PRKCI: variants seen among roughly 807,000 people sequenced by gnomAD.
PRKCI encodes protein kinase C iota, also known as protein kinase C iota type.
In PRKCI, 43 loss-of-function variants were observed where a neutral mutation model predicts 84.0. The ratio of observed to expected loss-of-function variants is 0.51; its 90% CI spans 0.40 to 0.66. PRKCI has a LOEUF of 0.66. Ranked by LOEUF, PRKCI falls within the 30% of genes least tolerant of loss-of-function variation. The pLI, the probability that PRKCI is intolerant of heterozygous loss-of-function variation, is 0.00. For synonymous variants in PRKCI, 216 were observed against 234.4 expected (o/e 0.92, Z 0.72); for missense variants, 459 against 745.6 (o/e 0.62, Z 4.48).
intron 2 of PRKCI, among the ~76,000 whole-genome samples, chr3:170,240,272 A>G (rs1211298822): frequency 6.6e-6 from 1 of 152,022 alleles, no homozygotes; most frequent in Non-Finnish European, 1.5e-5. Context: ...AAGCATTGAC[A>G]GTTACTGTTT....
At chr3:170,275,792 A>G (rs1734099802) in intron 8 of PRKCI, among the ~76,000 whole-genome samples, 2 of 152,100 alleles carry the variant, frequency 1.3e-5, no homozygotes, top group South Asian at 4.1e-4. Context: ...TTCCACTCCC[A>G]GTTTGGCTTC....
intron 2 of PRKCI, among the ~76,000 whole-genome samples, chr3:170,237,894 A>T (rs6787606): frequency 6.6e-6 from 1 of 152,034 alleles, no homozygotes; most frequent in Non-Finnish European, 1.5e-5. Flanking sequence ...CTTAGTATGT[A>T]TCCTTCTATA....
At chr3:170,290,576 T>C (rs1284215188) in intron 12 of PRKCI, among the ~76,000 whole-genome samples, 1 of 152,054 alleles carries the variant, frequency 6.6e-6, no homozygotes, top group Non-Finnish European at 1.5e-5. Flanking sequence ...TCCAAATCTT[T>C]CTCTGCCTAC....
At chr3:170,228,115 A>G (rs1560164489) in intron 1 of PRKCI, among the ~76,000 whole-genome samples, 2 of 152,174 alleles carry the variant, frequency 1.3e-5, no homozygotes, top group Admixed American at 6.6e-5. Context: ...TTTATGAGGC[A>G]TTCAGGAGGA....
chr3:170,278,689 A>C (rs1381783079), intron 8 of PRKCI, among the ~76,000 whole-genome samples: 2 of 152,216 alleles, frequency 1.3e-5, no homozygotes, highest in Admixed American at 1.3e-4. Context: ...GGAATAAAGG[A>C]ATACCTAAGG....
intron 8 of PRKCI, 106 bp downstream of exon 8, chr3:170,275,393 T>C: frequency 9.9e-7 from 1 of 1,011,824 alleles, no homozygotes; most frequent in Non-Finnish European, 1.3e-6. Context: ...ATCATAATGG[T>C]GAAATGCAAA....
At position 170,280,395 on chromosome 3, in the gene PRKCI, G is replaced by A; in HGVS notation, c.874G>A (p.Asp292Asn). ...AGTTGTGAAAAAAGAGCTTGTTAAT[G>A]ATGATGAGGTAAGCACTGCATATTT... ...MKVVKKELVN[D>N]DEDIDWVQTE... Residue 292 changes from aspartate (D) to asparagine (N), a missense_variant, in exon 9 of 18, where the codon GAT (aspartate) becomes AAT (asparagine). Around this residue, in one of 2 missense-constraint regions of PRKCI, gnomAD observed 209 missense variants for 425.9 expected, o/e 0.49. Transcript: ENST00000295797. The A allele has an allele frequency of 1.2e-6, 2 of 1,612,764 alleles. No individual in the cohort carries two copies. The highest frequency in any genetic ancestry group is 4.5e-5 in the East Asian group (2 of 44,862).
intron 6 of PRKCI, among the ~76,000 whole-genome samples, chr3:170,271,075 C>G (rs892056372): frequency 6.6e-6 from 1 of 152,052 alleles, no homozygotes; most frequent in Non-Finnish European, 1.5e-5. Context: ...ATAAAGAAAA[C>G]TAAGTAAAAG....
At position 170,305,647 on chromosome 3, in the gene PRKCI, CTT is replaced by C. The variant is rs1251972571; in HGVS notation, c.*2522_*2523del. ...TTAATTGTGTTCTGTTTTTTGCAGTCTTTAAGTGCCATGCCAATTGTTCTTAT... is the reference window on the plus strand; with the variant it reads ...TTAATTGTGTTCTGTTTTTTGCAGTCTAAGTGCCATGCCAATTGTTCTTAT... On this transcript the variant is annotated 3_prime_UTR_variant, in exon 18 of 18. Coordinates refer to ENST00000295797, the MANE Select transcript of PRKCI (RefSeq NM_002740.6). The C allele has an allele frequency of 6.6e-6, 1 of 152,094 alleles. No individual in the cohort carries two copies. The highest frequency in any genetic ancestry group is 2.4e-5 in the African/African-American group (1 of 41,416). 9.4% of individuals were successfully genotyped at this position (152,094 alleles called of 1,614,324 possible).
At chr3:170,243,366 C>G (rs1021939911) in intron 2 of PRKCI, among the ~76,000 whole-genome samples, 2 of 152,130 alleles carry the variant, frequency 1.3e-5, no homozygotes, top group Non-Finnish European at 2.9e-5. Flanking sequence ...CTTCTTATTG[C>G]TGAGTAGTAT....
At chr3:170,269,239 T>G (rs1455511491) in intron 5 of PRKCI, among the ~76,000 whole-genome samples, 1 of 152,200 alleles carries the variant, frequency 6.6e-6, no homozygotes, top group African/African-American at 2.4e-5. Context: ...TAAATACTCT[T>G]GATAACCGCA....
intron 1 of PRKCI, among the ~76,000 whole-genome samples, chr3:170,233,370 A>G (rs549264150): frequency 6.6e-6 from 1 of 152,192 alleles, no homozygotes; most frequent in Admixed American, 6.5e-5. Flanking sequence ...CTAAAACCAT[A>G]TCTAAATTTG....
chr3:170,258,803 G>C (rs1191482032), intron 2 of PRKCI, among the ~76,000 whole-genome samples: 1 of 152,130 alleles, frequency 6.6e-6, no homozygotes, highest in Admixed American at 6.5e-5. Context: ...TTTCATTTCT[G>C]TGACTCCTTT....
chr3:170,241,455 C>T (rs897006813), intron 2 of PRKCI, among the ~76,000 whole-genome samples: 2 of 152,136 alleles, frequency 1.3e-5, no homozygotes, highest in African/African-American at 4.8e-5. Flanking sequence ...GCTTATTTCA[C>T]TTAGCATAAT....
At chr3:170,264,983 C>T (rs1733822559) in intron 4 of PRKCI, among the ~76,000 whole-genome samples, 1 of 151,672 alleles carries the variant, frequency 6.6e-6, no homozygotes, top group African/African-American at 2.4e-5. Context: ...GTCAGGAGTT[C>T]AAGACCAGCC....
intron 11 of PRKCI, 44 bp downstream of exon 11, chr3:170,282,012 A>C: frequency 6.3e-7 from 1 of 1,594,286 alleles, no homozygotes; most frequent in Non-Finnish European, 8.5e-7. Context: ...TTTTGGGGCC[A>C]TGTGGCTTTT....
chr3:170,224,864 C>T (rs1459248910), intron 1 of PRKCI, among the ~76,000 whole-genome samples: 1 of 152,228 alleles, frequency 6.6e-6, no homozygotes, highest in Non-Finnish European at 1.5e-5. Flanking sequence ...AGATCATCTT[C>T]TCCAATGAGT....
rs550175536 is a variant in PRKCI at position 170,230,117 on chromosome 3, A to G, written c.102-5113A>G. Among the ~76,000 whole-genome samples the G allele has an allele frequency of 7.9e-5, 12 of 151,158 alleles. No individual in the cohort carries two copies. The East Asian group carries it at 2.3e-3, about 29-fold the overall frequency. On this transcript the variant is annotated intron_variant, in intron 1 of 17. Coordinates refer to ENST00000295797, the MANE Select transcript of PRKCI (RefSeq NM_002740.6). ...AGTTTCTGGATTTACTGTCTTAGGT[A>G]AAAGTGTTTTTCATCTAAAAATATT...
intron 10 of PRKCI, 84 bp downstream of exon 10, chr3:170,281,347 A>G: frequency 9.5e-7 from 1 of 1,057,416 alleles, no homozygotes; most frequent in Admixed American, 1.9e-5. Context: ...GCCCTAATTC[A>G]TGAAGTTGAT....
Sources: gnomAD v4.1 joint callset for allele counts (sites outside exome capture counted in the v4.1 genomes callset) on GRCh38, gnomAD v4.1.1 for gene constraint, gnomAD v4.1.1 regional missense constraint, MANE v1.5 for transcripts, NCBI Gene and HGNC (gene_info 2026-07-23, HGNC 2026-07-21) for gene names.